WWOX: variants seen among roughly 807,000 people sequenced by gnomAD.
The protein encoded by WWOX is WW domain-containing oxidoreductase.
Under a neutral mutation model 46.2 loss-of-function variants are expected in WWOX, and 69 were observed. The observed-to-expected ratio is 1.49, with a 90% CI of 1.23 to 1.82. The LOEUF is 1.82. WWOX is among the 40% of genes most tolerant of loss of function. The pLI is 0.00. For missense variants in WWOX, 919 were observed against 542.6 expected (o/e 1.69, Z -6.89); for synonymous variants, 359 against 202.6 (o/e 1.77, Z -6.56).
At chr16:78,805,409 C>T (rs1291713276) in intron 8 of WWOX, among the ~76,000 whole-genome samples, 1 of 148,162 alleles carries the variant, frequency 6.7e-6, no homozygotes, top group Non-Finnish European at 1.5e-5. Context: ...TACAGGCACC[C>T]GCCACCTCGC....
chr16:79,025,748 C>A (rs1368085548), intron 8 of WWOX, among the ~76,000 whole-genome samples: 5 of 151,368 alleles, frequency 3.3e-5, no homozygotes. Flanking sequence ...TTCTGATAAT[C>A]CTTTCATCCT....
At chr16:78,323,852 G>C (rs1286724567) in intron 5 of WWOX, among the ~76,000 whole-genome samples, 1 of 152,140 alleles carries the variant, frequency 6.6e-6, no homozygotes, top group Non-Finnish European at 1.5e-5. Context: ...TAGGAACCCA[G>C]TGCATGCACT....
Position 79,212,151 on chromosome 16 carries a change from C to G in WWOX, c.*355C>G. ...ATAGCCTGAGGTCCCCTCGTCCCAT[C>G]CAGCTACCACCACGGCCACCACTGC... On this transcript the variant is annotated 3_prime_UTR_variant, in exon 9 of 9. Transcript: ENST00000566780. The G allele has an allele frequency of 6.6e-7, 1 of 1,506,146 alleles. No homozygotes were observed. Among genetic ancestry groups the G allele is most frequent in the Non-Finnish European group, 8.8e-7 (1 of 1,132,428 alleles). 93.3% of individuals were successfully genotyped at this position (1,506,146 alleles called of 1,614,324 possible).
intron 5 of WWOX, among the ~76,000 whole-genome samples, chr16:78,243,193 T>C (rs1389302543): frequency 6.6e-6 from 1 of 152,196 alleles, no homozygotes; most frequent in Non-Finnish European, 1.5e-5. Context: ...TATTGTTCTA[T>C]AGTAATACAC....
At chr16:79,020,222 G>C (rs963675922) in intron 8 of WWOX, among the ~76,000 whole-genome samples, 1 of 152,202 alleles carries the variant, frequency 6.6e-6, no homozygotes, top group African/African-American at 2.4e-5. Context: ...AACCCATTGA[G>C]AGACATAAGG....
chr16:78,111,275 AG>A (rs1035134630), intron 3 of WWOX, among the ~76,000 whole-genome samples: 2 of 152,266 alleles, frequency 1.3e-5, no homozygotes, highest in Non-Finnish European at 2.9e-5. Flanking sequence ...AGTTAGAATA[AG>A]AATAGTCATA....
chr16:78,596,938 C>T (rs1020007356), intron 8 of WWOX, among the ~76,000 whole-genome samples: 4 of 152,150 alleles, frequency 2.6e-5, no homozygotes, highest in African/African-American at 9.7e-5. Context: ...CCTCAATAAA[C>T]ATGCGGTCTA....
intron 8 of WWOX, among the ~76,000 whole-genome samples, chr16:78,757,680 A>G (rs8063397): frequency 0.17 from 26,131 of 151,676 alleles, 3,051 homozygotes; most frequent in African/African-American, 0.33. Context: ...ATTTATTCAC[A>G]TAAACACATT....
intron 8 of WWOX, among the ~76,000 whole-genome samples, chr16:78,788,275 T>C (rs1463976224): frequency 1.3e-5 from 2 of 152,242 alleles, no homozygotes; most frequent in Non-Finnish European, 2.9e-5. Flanking sequence ...ATAGGGTTCC[T>C]GGCTCATAAC....
At chr16:78,741,718 G>A (rs958538202) in intron 8 of WWOX, among the ~76,000 whole-genome samples, 36 of 152,126 alleles carry the variant, frequency 2.4e-4, no homozygotes, top group Admixed American at 1.7e-3. Flanking sequence ...AGTGGGGCAT[G>A]GGGCGGGTGC....
At chr16:78,135,567 G>A (rs974218409) in intron 4 of WWOX, among the ~76,000 whole-genome samples, 1 of 152,056 alleles carries the variant, frequency 6.6e-6, no homozygotes, top group Non-Finnish European at 1.5e-5. Flanking sequence ...TCCATTCTGT[G>A]AACTTAGATT....
At chr16:79,025,454 G>A (rs138618063) in intron 8 of WWOX, among the ~76,000 whole-genome samples, 145 of 152,302 alleles carry the variant, frequency 9.5e-4, no homozygotes, top group African/African-American at 3.0e-3. Flanking sequence ...AGCAGAGACA[G>A]AAGTGAAGAA....
intron 8 of WWOX, among the ~76,000 whole-genome samples, chr16:79,177,965 G>T (rs2050834465): frequency 6.6e-6 from 1 of 152,150 alleles, no homozygotes; most frequent in Non-Finnish European, 1.5e-5. Context: ...TTCTGTTGAG[G>T]GCTCGTTCCC....
intron 8 of WWOX, among the ~76,000 whole-genome samples, chr16:78,616,413 G>A (rs999557536): frequency 6.6e-6 from 1 of 152,054 alleles, no homozygotes. Context: ...TCTCATAGGT[G>A]TCCATCTTGC....
intron 8 of WWOX, among the ~76,000 whole-genome samples, chr16:78,494,530 T>G (rs1214069581): frequency 6.6e-6 from 1 of 152,118 alleles, no homozygotes; most frequent in Non-Finnish European, 1.5e-5. Context: ...CAAATAAAAC[T>G]TCTGTGCTTT....
At chr16:78,443,914 C>A (rs1597093720) in intron 8 of WWOX, among the ~76,000 whole-genome samples, 1 of 152,202 alleles carries the variant, frequency 6.6e-6, no homozygotes, top group Admixed American at 6.5e-5. Context: ...TATTGGAGGC[C>A]AGCGTGATTA....
intron 4 of WWOX, among the ~76,000 whole-genome samples, chr16:78,119,266 T>C (rs1401284087): frequency 6.6e-6 from 1 of 152,314 alleles, no homozygotes; most frequent in South Asian, 2.1e-4. Context: ...GAACATTACA[T>C]GCAAATGTTG....
chr16:78,326,290 T>TG (rs1156373252), intron 5 of WWOX, among the ~76,000 whole-genome samples: 3 of 152,194 alleles, frequency 2.0e-5, no homozygotes, highest in Non-Finnish European at 2.9e-5. Context: ...AGTGTGCATA[T>TG]GCTCAGTTGC....
chr16:78,304,870 G>A (rs867936760), intron 5 of WWOX, among the ~76,000 whole-genome samples: 6 of 152,046 alleles, frequency 3.9e-5, no homozygotes, highest in Admixed American at 6.5e-5. Flanking sequence ...GACACATTTC[G>A]CTAGCATTGG....
Sources: gnomAD v4.1 joint callset for allele counts (sites outside exome capture counted in the v4.1 genomes callset) on GRCh38, gnomAD v4.1.1 for gene constraint, MANE v1.5 for transcripts, NCBI Gene and HGNC (gene_info 2026-07-23, HGNC 2026-07-21) for gene names.